Variants in TOPBP1 observed in about 807,000 individuals in gnomAD.
TOPBP1 encodes the protein DNA topoisomerase 2-binding protein 1.
Under a neutral mutation model 167.7 loss-of-function variants are expected in TOPBP1, and 28 were observed. That is an observed-to-expected ratio of 0.17 (90% CI 0.12 to 0.23). The LOEUF is 0.23. TOPBP1 is among the 10% of genes least tolerant of loss of function. TOPBP1 has a pLI of 1.00. For synonymous variants in TOPBP1, 598 were observed against 611.4 expected (o/e 0.98, Z 0.32); for missense variants, 1,554 against 1,809.6 (o/e 0.86, Z 2.56).
intron 23 of TOPBP1, among the ~76,000 whole-genome samples, chr3:133,616,262 G>A (rs1468150514): frequency 6.6e-6 from 1 of 151,844 alleles, no homozygotes; most frequent in Non-Finnish European, 1.5e-5. Flanking sequence ...TAGGATCACA[G>A]GCATGTGCCT....
At position 133,652,502 on chromosome 3, in the gene TOPBP1, A is replaced by C; in HGVS notation, c.1050T>G (p.Ser350Arg). 1 of 1,611,960 alleles carries C rather than the reference A, an allele frequency of 6.2e-7. No individual in the cohort carries two copies. Reference protein sequence around the residue: ...TLENLENLDVSAFQAPEDLLD... With the variant: ...TLENLENLDVRAFQAPEDLLD... ...ATAAATCTTCAGGTGCTTGAAATGCACTGACATCCAGATTTTCTAGATTTT... is the reference window on the plus strand; with the variant it reads ...ATAAATCTTCAGGTGCTTGAAATGCCCTGACATCCAGATTTTCTAGATTTT... Residue 350 changes from serine (S) to arginine (R), a missense_variant, in exon 8 of 28, where the codon AGT becomes AGG. Coordinates refer to ENST00000260810, the MANE Select transcript of TOPBP1 (RefSeq NM_007027.4).
rs1186331109 is a variant in TOPBP1, at chr3:133,616,881, G to A, written c.3804C>T (p.Tyr1268=). The change falls in exon 23 of 28, where the codon TAC becomes TAT. Residue 1268 remains tyrosine, a synonymous_variant. Transcript: ENST00000260810. ...GATTCAGAGATGATAACTGAAATAT[G>A]TACTGTTTTTTTAATTCTTCATGAG... The part of the protein sequence containing the change: ...EETHEELKKQ[Y]IFQLSSLNPQ... 1.3e-6 allele frequency: 2 copies of A among 1,553,414 alleles called. No homozygotes were observed. The highest frequency in any genetic ancestry group is 2.7e-5 in the African/African-American group (2 of 72,996).
chr3:133,638,166 G>C lies in TOPBP1; in HGVS notation c.2234-4C>G. 1.2e-6 allele frequency: 2 copies of C among 1,611,316 alleles called. No individual in the cohort carries two copies. The highest frequency in any genetic ancestry group is 1.7e-6 in the Non-Finnish European group (2 of 1,178,006). On this transcript the variant is annotated splice_polypyrimidine_tract_variant and splice_region_variant and intron_variant, in intron 13 of 27. Transcript: ENST00000260810. ...ATTTCTGTTTCCAAACTTCGTTCTA[G>C]AGATTTAAAATGAAAAGAAACAAAT...
chr3:133,645,724 A>C (rs563495616), intron 10 of TOPBP1, among the ~76,000 whole-genome samples: 1 of 152,354 alleles, frequency 6.6e-6, no homozygotes, highest in Admixed American at 6.5e-5. Context: ...CTCTGAAGTT[A>C]TTAAGAGACT....
At position 133,638,000 on chromosome 3, in the gene TOPBP1, G is replaced by T; in HGVS notation, c.2396C>A (p.Ala799Asp). The T allele has an allele frequency of 6.2e-7, 1 of 1,613,972 alleles. No individual in the cohort carries two copies. Among genetic ancestry groups the T allele is most frequent in the South Asian group, 1.1e-5 (1 of 91,080 alleles). The change falls in exon 14 of 28, where the codon GCC (alanine) becomes GAC (aspartate). Residue 799 changes from alanine (A) to aspartate (D), a missense_variant. This residue lies in a region of TOPBP1 where 1,197 missense variants were observed against 1,351.5 expected (regional missense o/e 0.89). Transcript: ENST00000260810. ...TGCTGGGGAGGCTGCGACCTGTCTGGCATGTTGTGAGACCACAGCACGGAA... is the reference window on the plus strand; with the variant it reads ...TGCTGGGGAGGCTGCGACCTGTCTGTCATGTTGTGAGACCACAGCACGGAA... The part of the protein sequence containing the change: ...KAFRAVVSQH[A>D]RQVAASPAVG...
intron 6 of TOPBP1, among the ~76,000 whole-genome samples, chr3:133,654,686 T>C (rs1199858097): frequency 6.6e-6 from 1 of 152,220 alleles, no homozygotes; most frequent in Non-Finnish European, 1.5e-5. Context: ...TAAAAAATTA[T>C]CCAGAATAAT....
At chr3:133,621,458 TA>T (rs1009068207) in intron 19 of TOPBP1, among the ~76,000 whole-genome samples, 6 of 151,894 alleles carry the variant, frequency 4.0e-5, no homozygotes, top group African/African-American at 1.5e-4. Flanking sequence ...AAAGTACCAG[TA>T]AAAAAAATAA....
At chr3:133,607,025 T>C (rs1934516764) in intron 27 of TOPBP1, among the ~76,000 whole-genome samples, 1 of 152,116 alleles carries the variant, frequency 6.6e-6, no homozygotes, top group South Asian at 2.1e-4. Flanking sequence ...ACAAACACTC[T>C]GTACAAATTA....
intron 14 of TOPBP1, among the ~76,000 whole-genome samples, chr3:133,635,483 T>C (rs1288550791): frequency 6.6e-6 from 1 of 152,168 alleles, no homozygotes; most frequent in African/African-American, 2.4e-5. Context: ...CCAGAACTCC[T>C]GGTCTCAAGT....
chr3:133,611,089 A>C lies in TOPBP1; in HGVS notation c.4088T>G (p.Ile1363Ser). The change falls in exon 25 of 28, where the codon ATC becomes AGC. Residue 1363 changes from isoleucine to serine, a missense_variant. Coordinates refer to ENST00000260810, the MANE Select transcript of TOPBP1 (RefSeq NM_007027.4). ...SSSILDVLTGINVQQRRLALA... is the reference protein window; with the variant it reads ...SSSILDVLTGSNVQQRRLALA... ...TGCTAGTCTTCGTTGCTGTACATTG[A>C]TTCCAGTCAGAACATCAAGTATGGA... 6.2e-7 allele frequency: 1 copy of C among 1,613,232 alleles called. No individual in the cohort carries two copies. Among genetic ancestry groups the C allele is most frequent in the African/African-American group, 1.3e-5 (1 of 74,982 alleles).
At chr3:133,623,516 G>GTTAA in intron 17 of TOPBP1, 59 bp from the exon 18 acceptor site, 1 of 1,521,592 alleles carries the variant, frequency 6.6e-7, no homozygotes, top group South Asian at 1.3e-5. Flanking sequence ...AATAGATGAT[G>GTTAA]TTAAGTAGGA....
chr3:133,616,723 G>A (rs957577501), intron 23 of TOPBP1, 91 bp downstream of exon 23: 1 of 708,010 alleles, frequency 1.4e-6, no homozygotes, highest in East Asian at 3.1e-5. Flanking sequence ...TCTACTTCTA[G>A]ACTTTACAAA....
At chr3:133,647,400 G>C (rs1019086746) in intron 10 of TOPBP1, among the ~76,000 whole-genome samples, 1 of 152,184 alleles carries the variant, frequency 6.6e-6, no homozygotes, top group Non-Finnish European at 1.5e-5. Flanking sequence ...CCTACCCCAA[G>C]TTTCTTAGAA....
In TOPBP1 at chr3:133,628,413, T is replaced by A; in HGVS notation, c.2753A>T (p.Lys918Met). 1 of 1,610,584 alleles carries A rather than the reference T, an allele frequency of 6.2e-7. No homozygotes were observed. The highest frequency in any genetic ancestry group is 8.5e-7 in the Non-Finnish European group (1 of 1,178,332). Reference protein sequence around the residue: ...VVVCVSKKLSKKQSELNGIAA... With the variant: ...VVVCVSKKLSMKQSELNGIAA... ...GATCCCATTTAGTTCACTCTGCTTC[T>A]TACTGAGTTTTTTACTAACACATAC... Residue 918 changes from lysine to methionine, a missense_variant, in exon 16 of 28, where the codon AAG becomes ATG. Lys to Met is a moderately conservative substitution (Grantham distance 95, BLOSUM62 -1). Around this residue, in one of 3 missense-constraint regions of TOPBP1, gnomAD observed 1,197 missense variants for 1,351.5 expected, o/e 0.89. Transcript: ENST00000260810.
Position 133,618,295 on chromosome 3 carries a change from G to A in TOPBP1, c.3510C>T (p.Tyr1170=). ...NLQWPSCPTQ[Y]SELQVDIQNL... is the part of the protein sequence containing the mutation. Reference sequence around the variant, plus strand: ...TTTGAATGTCAACCTGAAGCTCAGAGTATTGTGTGGGACAACTAGGCCACT... The same window carrying A: ...TTTGAATGTCAACCTGAAGCTCAGAATATTGTGTGGGACAACTAGGCCACT... The change falls in exon 21 of 28, where the codon TAC becomes TAT. Residue 1170 remains tyrosine, a synonymous_variant. Transcript: ENST00000260810. 1 of 1,614,030 alleles carries A rather than the reference G, an allele frequency of 6.2e-7. No individual in the cohort carries two copies. The highest frequency in any genetic ancestry group is 8.5e-7 in the Non-Finnish European group (1 of 1,179,888).
chr3:133,637,762 G>A, intron 14 of TOPBP1, 114 bp downstream of exon 14: 2 of 1,110,824 alleles, frequency 1.8e-6, no homozygotes, highest in Non-Finnish European at 2.5e-6. Flanking sequence ...AAATCTACTT[G>A]CCAATGTCTC....
At chr3:133,603,414 T>C (rs1206850266) in intron 27 of TOPBP1, among the ~76,000 whole-genome samples, 1 of 152,022 alleles carries the variant, frequency 6.6e-6, no homozygotes, top group Non-Finnish European at 1.5e-5. Flanking sequence ...AATTACATGA[T>C]GGACTAAACA....
chr3:133,633,063 G>C (rs990404747), intron 14 of TOPBP1, among the ~76,000 whole-genome samples: 3 of 152,088 alleles, frequency 2.0e-5, no homozygotes, highest in African/African-American at 7.2e-5. Context: ...ATGCACCACT[G>C]AGCCTGGCTA....
At chr3:133,650,149 T>C (rs1936235191) in intron 8 of TOPBP1, among the ~76,000 whole-genome samples, 1 of 152,174 alleles carries the variant, frequency 6.6e-6, no homozygotes, top group African/African-American at 2.4e-5. Context: ...CATACAGCAT[T>C]ATCTTTCACA....
Sources: allele counts gnomAD v4.1 joint callset (sites outside exome capture counted in the v4.1 genomes callset), GRCh38; gene constraint gnomAD v4.1.1; regional missense constraint gnomAD v4.1.1; transcripts MANE v1.5; gene names NCBI Gene and HGNC (gene_info 2026-07-23, HGNC 2026-07-21).